The following SLC45A4 variants were observed in gnomAD, a reference collection of about 807,000 sequenced individuals.
SLC45A4 encodes the protein solute carrier family 45 member 4.
In SLC45A4, 32 loss-of-function variants were observed where a neutral mutation model predicts 63.7. That is an observed-to-expected ratio of 0.50 (90% CI 0.38 to 0.67). The LOEUF (loss-of-function observed/expected upper bound fraction) is 0.67. SLC45A4 is among the 30% of genes least tolerant of loss of function. The pLI is 0.00. For missense variants in SLC45A4, 1,027 were observed against 1,157.7 expected, an observed-to-expected ratio of 0.89 and a Z score of 1.64; for synonymous variants, 535 against 510.0, an observed-to-expected ratio of 1.05 and a Z score of -0.66.
intron 1 of SLC45A4, among the ~76,000 whole-genome samples, chr8:141,276,189 A>G (rs926509809): frequency 6.6e-6 from 1 of 152,192 alleles, no homozygotes; most frequent in African/African-American, 2.4e-5. Context: ...AGTGTGAGCC[A>G]CCTTGCCTGG....
rs934862566 is a variant in SLC45A4 at position 141,256,768 on chromosome 8, T to G, written c.-400-2139A>C. The G allele has an allele frequency of 5.4e-5, 21 of 385,384 alleles. No homozygotes were observed. Among genetic ancestry groups the G allele is most frequent in the African/African-American group, 4.2e-4 (20 of 47,964 alleles). The allele number at this position is 385,384 out of a possible 1,614,324, so 23.9% of individuals were successfully genotyped here. On this transcript the variant is annotated intron_variant, in intron 1 of 8. Coordinates refer to ENST00000517878, the MANE Select transcript of SLC45A4 (RefSeq NM_001286646.2). The surrounding 1 kb of genome is among the most constrained non-coding windows in gnomAD (Gnocchi z 4.3). ...CGAGAATTCTTTCAAGTTTTCCAAATGTCCTCTACCGTAGAAACATCTCAA... is the reference window on the plus strand; with the variant it reads ...CGAGAATTCTTTCAAGTTTTCCAAAGGTCCTCTACCGTAGAAACATCTCAA...
At chr8:141,277,148 T>C (rs928189293) in intron 1 of SLC45A4, among the ~76,000 whole-genome samples, 11 of 152,354 alleles carry the variant, frequency 7.2e-5, no homozygotes, top group African/African-American at 2.4e-4. Context: ...CAACGGGCAA[T>C]GCAAAGCCAC....
chr8:141,254,250 T>C lies in SLC45A4; in HGVS notation c.-21A>G. On this transcript the variant is annotated 5_prime_UTR_variant, in exon 2 of 9. Transcript: ENST00000517878. This position sits in a 1 kb window ranked among gnomAD's most constrained non-coding sequence, Gnocchi z 4.5. ...TTCATTACCACCAAAAATATATGTA[T>C]TTATCTATATATTCTATCTATATAA... 1 of 1,514,204 alleles carries C rather than the reference T, an allele frequency of 6.6e-7. No homozygotes were observed. The highest frequency in any genetic ancestry group is 1.2e-5 in the South Asian group (1 of 82,354). The allele number at this position is 1,514,204 out of a possible 1,614,324, so 93.8% of individuals were successfully genotyped here. A position where few individuals can be genotyped will look rare whatever the true frequency, so the allele number is the denominator to read the frequency against.
At position 141,230,321 on chromosome 8, in the gene SLC45A4, C is replaced by A. The variant is rs533684085; in HGVS notation, c.242-8556G>T. The A allele has an allele frequency of 1.1e-5, 4 of 352,244 alleles. No homozygotes were observed. The East Asian group carries it at 3.0e-4, about 27-fold the overall frequency. 21.8% of individuals were successfully genotyped at this position (352,244 alleles called of 1,614,324 possible). A position where few individuals can be genotyped will look rare whatever the true frequency, so the allele number is the denominator to read the frequency against. ...ACAAGGGAGGGCCGCTCCTGAAGTC[C>A]CCGCCCTTCCATCAGAAAGCCTCTC... is the stretch of plus-strand genomic sequence containing the variant. On this transcript the variant is annotated intron_variant, in intron 2 of 8. Coordinates refer to ENST00000517878, the MANE Select transcript of SLC45A4 (RefSeq NM_001286646.2).
At position 141,218,815 on chromosome 8, in the gene SLC45A4, G is replaced by A. The variant is rs571049324; in HGVS notation, c.825C>T (p.Gly275=). Residue 275 remains glycine, a synonymous_variant, in exon 5 of 9, where the codon GGC becomes GGT. Transcript: ENST00000517878. The part of the protein sequence containing the change: ...SAEEPGALDG[G]EPHGVPAFPD... ...GGAAGGCAGGGACGCCGTGCGGCTC[G>A]CCCCCATCCAGGGCGCCGGGCTCCT... The A allele has an allele frequency of 9.3e-6, 15 of 1,612,862 alleles. No individual in the cohort carries two copies. Among genetic ancestry groups the A allele is most frequent in the East Asian group, 4.5e-5 (2 of 44,880 alleles).
intron 1 of SLC45A4, among the ~76,000 whole-genome samples, chr8:141,291,978 C>CA (rs1830363127): frequency 2.0e-5 from 3 of 152,360 alleles, no homozygotes; most frequent in Middle Eastern, 6.8e-3. Context: ...CACTACCGCT[C>CA]AACCCTCAGA....
In SLC45A4 at chr8:141,254,405, T is replaced by A; in HGVS notation, c.-176A>T. On this transcript the variant is annotated 5_prime_UTR_variant, in exon 2 of 9. Transcript: ENST00000517878. This position sits in a 1 kb window ranked among gnomAD's most constrained non-coding sequence, Gnocchi z 4.5. ...GCTATCTCACAACTTCTCACAACGG[T>A]ATGAGACATGCAGCAACACAGAACG... The A allele has an allele frequency of 2.7e-6, 2 of 737,734 alleles. No individual in the cohort carries two copies. Among genetic ancestry groups the A allele is most frequent in the Non-Finnish European group, 4.4e-6 (2 of 453,488 alleles). The allele number at this position is 737,734 out of a possible 1,614,324, so 45.7% of individuals were successfully genotyped here.
chr8:141,252,095 T>C (rs1434220539), intron 2 of SLC45A4, among the ~76,000 whole-genome samples: 5 of 150,842 alleles, frequency 3.3e-5, no homozygotes, highest in Non-Finnish European at 5.9e-5. Context: ...TACTTTACCA[T>C]GCAATATGTT....
At chr8:141,223,502 T>C (rs1330854488) in intron 2 of SLC45A4, among the ~76,000 whole-genome samples, 2 of 152,230 alleles carry the variant, frequency 1.3e-5, no homozygotes, top group African/African-American at 2.4e-5. Context: ...ACATGCAGAC[T>C]GTACCAATGT....
At chr8:141,251,449 C>T (rs564974718) in intron 2 of SLC45A4, among the ~76,000 whole-genome samples, 2 of 152,108 alleles carry the variant, frequency 1.3e-5, no homozygotes, top group East Asian at 1.9e-4. Flanking sequence ...AGCGCCCCCC[C>T]TGCCACAGAG....
chr8:141,223,737 G>A (rs1375219069), intron 2 of SLC45A4, among the ~76,000 whole-genome samples: 5 of 152,190 alleles, frequency 3.3e-5, no homozygotes, highest in African/African-American at 7.2e-5. Context: ...CAGGTCCTGC[G>A]TTTTCCACAC....
At chr8:141,225,729 A>AC (rs1442968098) in intron 2 of SLC45A4, 1 of 152,410 alleles carries the variant, frequency 6.6e-6, no homozygotes, top group Non-Finnish European at 1.5e-5. Context: ...ACTGGGGGGA[A>AC]CCGCTAGGCC....
chr8:141,249,576 C>T (rs1291226585), intron 2 of SLC45A4, among the ~76,000 whole-genome samples: 1 of 152,092 alleles, frequency 6.6e-6, no homozygotes, highest in African/African-American at 2.4e-5. Flanking sequence ...ATGTGGGGGG[C>T]ATTTGGGAGC....
intron 1 of SLC45A4, among the ~76,000 whole-genome samples, chr8:141,277,475 T>G (rs1345989945): frequency 6.6e-6 from 1 of 152,216 alleles, no homozygotes; most frequent in Non-Finnish European, 1.5e-5. Context: ...TAAACTGTAT[T>G]TACTTTATGT....
At position 141,229,271 on chromosome 8, in the gene SLC45A4, G is replaced by A. The variant is rs1294947651; in HGVS notation, c.242-7506C>T. On this transcript the variant is annotated intron_variant, in intron 2 of 8. Transcript: ENST00000517878. This position sits in a 1 kb window ranked among gnomAD's most constrained non-coding sequence, Gnocchi z 5.0. ...CACCTAAAACCCACTGCTTGCACCTGCCGTGGCGTCCAGGGCCCTCAAAGT... is the reference window on the plus strand; with the variant it reads ...CACCTAAAACCCACTGCTTGCACCTACCGTGGCGTCCAGGGCCCTCAAAGT... 2.0e-5 allele frequency among the ~76,000 whole-genome samples: 3 copies of A among 151,990 alleles called. No individual in the cohort carries two copies. The highest frequency in any genetic ancestry group is 7.3e-5 in the African/African-American group (3 of 41,360).
rs568248214 is a variant in SLC45A4, at chr8:141,253,879, C to A, written c.241+110G>T. 7 of 1,460,764 alleles carry A rather than the reference C, an allele frequency of 4.8e-6. No individual in the cohort carries two copies. In the African/African-American group the frequency reaches 9.8e-5, roughly 20 times the overall value. 90.5% of individuals were successfully genotyped at this position (1,460,764 alleles called of 1,614,324 possible). A position where few individuals can be genotyped will look rare whatever the true frequency, so the allele number is the denominator to read the frequency against. On this transcript the variant is annotated intron_variant, in intron 2 of 8. Coordinates refer to ENST00000517878, the MANE Select transcript of SLC45A4 (RefSeq NM_001286646.2). ...GGAGAGGAGACAAAGACTCCAGTGC[C>A]CGGGGCTCTCCAGGACGCACCATCC... is the stretch of plus-strand genomic sequence containing the variant.
At position 141,254,542 on chromosome 8, in the gene SLC45A4, G is replaced by A. The variant is rs1828674087; in HGVS notation, c.-313C>T. On this transcript the variant is annotated 5_prime_UTR_variant, in exon 2 of 9. Coordinates refer to ENST00000517878, the MANE Select transcript of SLC45A4 (RefSeq NM_001286646.2). This position sits in a 1 kb window ranked among gnomAD's most constrained non-coding sequence, Gnocchi z 4.5. ...GTTTCATCATTATTACTGAAGAGGT[G>A]CTGAAGTGATTTTTCTTGCTACAGA... 1 of 702,560 alleles carries A rather than the reference G, an allele frequency of 1.4e-6. No individual in the cohort carries two copies. The highest frequency in any genetic ancestry group is 1.5e-5 in the South Asian group (1 of 67,592). The allele number at this position is 702,560 out of a possible 1,614,324, so 43.5% of individuals were successfully genotyped here.
chr8:141,284,569 T>G (rs1830071635), intron 1 of SLC45A4, among the ~76,000 whole-genome samples: 1 of 152,184 alleles, frequency 6.6e-6, no homozygotes, highest in Non-Finnish European at 1.5e-5. Flanking sequence ...AAGCCGTTCT[T>G]CCTATTCTGA....
In SLC45A4 at chr8:141,229,190, C is replaced by T. The variant is rs1318019107; in HGVS notation, c.242-7425G>A. 1.3e-5 allele frequency among the ~76,000 whole-genome samples: 2 copies of T among 152,082 alleles called. No individual in the cohort carries two copies. Among genetic ancestry groups the T allele is most frequent in the African/African-American group, 4.8e-5 (2 of 41,386 alleles). Reference sequence around the variant, plus strand: ...GTGAGCATAGCAGGCTTCCAACTGACCCCTGGTTCCTCCCTCATCCTCCGT... The same window carrying T: ...GTGAGCATAGCAGGCTTCCAACTGATCCCTGGTTCCTCCCTCATCCTCCGT... On this transcript the variant is annotated intron_variant, in intron 2 of 8. Transcript: ENST00000517878. This position sits in a 1 kb window ranked among gnomAD's most constrained non-coding sequence, Gnocchi z 5.0.
Sources: allele counts gnomAD v4.1 joint callset (sites outside exome capture counted in the v4.1 genomes callset), GRCh38; gene constraint gnomAD v4.1.1; non-coding constraint Gnocchi (gnomAD v3.1); transcripts MANE v1.5; gene names NCBI Gene and HGNC (gene_info 2026-07-23, HGNC 2026-07-21).